CDH12: variants seen among roughly 807,000 people sequenced by gnomAD.
CDH12 encodes the protein cadherin-12.
CDH12 carries 41 observed loss-of-function variants against 74.1 expected under a neutral mutation model. That is an observed-to-expected ratio of 0.55 (90% CI 0.43 to 0.72). The LOEUF (loss-of-function observed/expected upper bound fraction) is 0.72. CDH12 is among the 30% of genes least tolerant of loss of function. The probability of loss-of-function intolerance (pLI) is 0.00; values close to 1 mark genes in which losing one functional copy is unlikely to be tolerated. For missense variants in CDH12, 945 were observed against 977.2 expected, an observed-to-expected ratio of 0.97 and a Z score of 0.44; for synonymous variants, 399 against 355.0, an observed-to-expected ratio of 1.12 and a Z score of -1.39.
chr5:21,755,513 G>C, intron 14 of CDH12, 78 bp downstream of exon 14: 1 of 1,263,424 alleles, frequency 7.9e-7, no homozygotes, highest in Non-Finnish European at 1.1e-6. Context: ...AAATTGAGGA[G>C]AGAGATGGAG....
chr5:22,163,996 G>T (rs569171180), intron 4 of CDH12, among the ~76,000 whole-genome samples: 65 of 152,306 alleles, frequency 4.3e-4, no homozygotes, highest in African/African-American at 1.5e-3. Flanking sequence ...TAATCAGGAA[G>T]TATGTCCCAT....
At chr5:22,042,147 A>T (rs1483397515) in intron 5 of CDH12, among the ~76,000 whole-genome samples, 2 of 152,158 alleles carry the variant, frequency 1.3e-5, no homozygotes, top group Non-Finnish European at 2.9e-5. Context: ...TACAGGAAAC[A>T]TCAAAAGCAG....
At chr5:22,284,520 A>C (rs1332844102) in intron 3 of CDH12, among the ~76,000 whole-genome samples, 1 of 152,164 alleles carries the variant, frequency 6.6e-6, no homozygotes, top group African/African-American at 2.4e-5. Context: ...GAAGGACACC[A>C]TCAATTTCCT....
At chr5:22,246,822 T>C (rs113231020) in intron 3 of CDH12, among the ~76,000 whole-genome samples, 3 of 152,020 alleles carry the variant, frequency 2.0e-5, no homozygotes, top group Non-Finnish European at 2.9e-5. Flanking sequence ...GTTGTTAGAA[T>C]TTTTTTTAAG....
intron 1 of CDH12, among the ~76,000 whole-genome samples, chr5:22,705,684 T>C (rs1182984181): frequency 6.6e-6 from 1 of 152,044 alleles, no homozygotes; most frequent in Non-Finnish European, 1.5e-5. Flanking sequence ...AATAAAGCTA[T>C]GTATGCCACC....
chr5:22,184,803 G>C (rs1749841167), intron 4 of CDH12, among the ~76,000 whole-genome samples: 1 of 152,220 alleles, frequency 6.6e-6, no homozygotes, highest in African/African-American at 2.4e-5. Context: ...TCTCCATGTG[G>C]AAAATGTTGC....
intron 3 of CDH12, among the ~76,000 whole-genome samples, chr5:22,287,837 G>T (rs143637659): frequency 6.6e-6 from 1 of 151,924 alleles, no homozygotes; most frequent in African/African-American, 2.4e-5. Context: ...TTCTTTTAAT[G>T]GAATATTCTG....
chr5:22,661,687 T>G (rs1192418760), intron 1 of CDH12, among the ~76,000 whole-genome samples: 13 of 152,098 alleles, frequency 8.5e-5, no homozygotes, highest in Non-Finnish European at 1.5e-5. Flanking sequence ...TAAATAAATT[T>G]CAGAAATCAT....
chr5:22,412,184 C>T (rs1291678615), intron 2 of CDH12, among the ~76,000 whole-genome samples: 1 of 151,906 alleles, frequency 6.6e-6, no homozygotes, highest in African/African-American at 2.4e-5. Flanking sequence ...AATCAGCTAG[C>T]TTCCACCATT....
At chr5:21,971,896 G>A (rs2910536) in intron 6 of CDH12, among the ~76,000 whole-genome samples, 7,434 of 152,060 alleles carry the variant, frequency 0.049, 558 homozygotes, top group African/African-American at 0.17. Flanking sequence ...AGTCAGTAAC[G>A]GAGTGATCTT....
At chr5:22,458,716 C>T (rs1027931705) in intron 2 of CDH12, among the ~76,000 whole-genome samples, 1 of 151,982 alleles carries the variant, frequency 6.6e-6, no homozygotes, top group African/African-American at 2.4e-5. Context: ...TATTTGTTTA[C>T]AATATTTCAA....
At chr5:22,507,899 G>A (rs964582451) in intron 1 of CDH12, among the ~76,000 whole-genome samples, 3 of 152,152 alleles carry the variant, frequency 2.0e-5, no homozygotes, top group Non-Finnish European at 4.4e-5. Flanking sequence ...TCCAGCTTCT[G>A]GTGACTGCCA....
chr5:22,592,804 C>A (rs1343090834), intron 1 of CDH12, among the ~76,000 whole-genome samples: 1 of 151,334 alleles, frequency 6.6e-6, no homozygotes, highest in Non-Finnish European at 1.5e-5. Context: ...ACTTTGGGAG[C>A]GGATCACCTG....
At chr5:22,841,943 A>G (rs936898288) in intron 1 of CDH12, among the ~76,000 whole-genome samples, 14 of 152,210 alleles carry the variant, frequency 9.2e-5, no homozygotes, top group Admixed American at 5.2e-4. Flanking sequence ...ACATTCAGCT[A>G]TAACCACATG....
At chr5:21,801,879 C>A (rs1347258824) in intron 10 of CDH12, among the ~76,000 whole-genome samples, 10 of 152,048 alleles carry the variant, frequency 6.6e-5, no homozygotes, top group African/African-American at 2.4e-4. Flanking sequence ...GTTATTAAAT[C>A]CCGTTTATAC....
chr5:22,050,045 A>G (rs1307702304), intron 5 of CDH12, among the ~76,000 whole-genome samples: 1 of 152,078 alleles, frequency 6.6e-6, no homozygotes, highest in African/African-American at 2.4e-5. Flanking sequence ...ACACTTTCAC[A>G]TCATTTGTTT....
chr5:22,230,172 C>T (rs1343555169), intron 3 of CDH12, among the ~76,000 whole-genome samples: 1 of 152,028 alleles, frequency 6.6e-6, no homozygotes, highest in Non-Finnish European at 1.5e-5. Context: ...CTGCCCACTC[C>T]CCAACATATT....
chr5:22,604,542 A>G (rs1370957561), intron 1 of CDH12, among the ~76,000 whole-genome samples: 4 of 152,238 alleles, frequency 2.6e-5, no homozygotes, highest in African/African-American at 7.2e-5. Flanking sequence ...CCCCTCCCTT[A>G]AAGTCTTAAG....
chr5:22,385,484 C>T (rs1350842806), intron 3 of CDH12, among the ~76,000 whole-genome samples: 1 of 152,162 alleles, frequency 6.6e-6, no homozygotes, highest in Non-Finnish European at 1.5e-5. Flanking sequence ...TCTTTCTCTG[C>T]TTTTTTGAGA....
Sources: gnomAD v4.1 joint callset for allele counts (sites outside exome capture counted in the v4.1 genomes callset) on GRCh38, gnomAD v4.1.1 for gene constraint, MANE v1.5 for transcripts, NCBI Gene and HGNC (gene_info 2026-07-23, HGNC 2026-07-21) for gene names.